Variants in DLGAP4 observed in about 807,000 individuals in gnomAD.
The protein encoded by DLGAP4 is disks large-associated protein 4.
DLGAP4 carries 18 observed loss-of-function variants against 86.9 expected under a neutral mutation model. The ratio of observed to expected loss-of-function variants is 0.21; its 90% CI spans 0.14 to 0.31. The LOEUF is 0.31. DLGAP4 is among the 10% of genes least tolerant of loss of function. DLGAP4 has a pLI of 1.00. For missense variants in DLGAP4, 1,085 were observed against 1,362.6 expected, an observed-to-expected ratio of 0.80 and a Z score of 3.21; for synonymous variants, 548 against 574.3, an observed-to-expected ratio of 0.95 and a Z score of 0.65.
rs6025316 is a variant in DLGAP4 at position 36,525,241 on chromosome 20, A to C, written c.2605-610A>C. Among the ~76,000 whole-genome samples the C allele has an allele frequency of 5.6e-4, 71 of 127,162 alleles. 4 individuals carry two copies. Among genetic ancestry groups the C allele is most frequent in the African/African-American group, 1.9e-3 (60 of 32,288 alleles). 83.4% of individuals were successfully genotyped at this position (127,162 alleles called of 152,430 possible). Reference sequence around the variant, plus strand: ...CAAAAAAAAAAAAAAAAAAAAAAAAAAAAAAAAAAAAAACAAAGAAATCCC... The same window carrying C: ...CAAAAAAAAAAAAAAAAAAAAAAAACAAAAAAAAAAAAACAAAGAAATCCC... On this transcript the variant is annotated intron_variant, in intron 11 of 12. Transcript: ENST00000339266.
intron 1 of DLGAP4, among the ~76,000 whole-genome samples, chr20:36,356,669 T>C (rs1206729195): frequency 6.7e-6 from 1 of 149,736 alleles, no homozygotes; most frequent in Non-Finnish European, 1.5e-5. Flanking sequence ...GGGCAGCCTG[T>C]TTTTGTAAAA....
intron 2 of DLGAP4, among the ~76,000 whole-genome samples, chr20:36,375,398 C>T (rs2031113106): frequency 6.6e-6 from 1 of 152,218 alleles, no homozygotes; most frequent in South Asian, 2.1e-4. Flanking sequence ...TGGGTCATCT[C>T]CAATACTTTA....
At chr20:36,310,254 T>C (rs1397936715) in intron 1 of DLGAP4, among the ~76,000 whole-genome samples, 1 of 149,970 alleles carries the variant, frequency 6.7e-6, no homozygotes, top group Non-Finnish European at 1.5e-5. Flanking sequence ...AGAAAAGAAT[T>C]GCATGGATAA....
intron 2 of DLGAP4, among the ~76,000 whole-genome samples, chr20:36,386,955 G>A (rs141398546): frequency 6.6e-6 from 1 of 151,902 alleles, no homozygotes; most frequent in African/African-American, 2.4e-5. Context: ...CATTTTTTCT[G>A]CCGAATAGTA....
chr20:36,371,446 T>G (rs920499183), intron 2 of DLGAP4, among the ~76,000 whole-genome samples: 2 of 152,178 alleles, frequency 1.3e-5, no homozygotes, highest in African/African-American at 4.8e-5. Context: ...CGTGGTGACA[T>G]CATGAAGATG....
intron 2 of DLGAP4, among the ~76,000 whole-genome samples, chr20:36,390,109 G>A (rs183109649): frequency 6.6e-6 from 1 of 152,312 alleles, no homozygotes; most frequent in Non-Finnish European, 1.5e-5. Context: ...TGGACCAAGG[G>A]GCAGTGAACT....
intron 10 of DLGAP4, among the ~76,000 whole-genome samples, chr20:36,517,839 T>A (rs1418224245): frequency 1.3e-5 from 2 of 152,236 alleles, no homozygotes. Flanking sequence ...TAATCTTTCC[T>A]TTCTATCCTT....
intron 10 of DLGAP4, among the ~76,000 whole-genome samples, chr20:36,522,147 C>T (rs1219016553): frequency 3.9e-5 from 6 of 151,988 alleles, no homozygotes; most frequent in Admixed American, 3.9e-4. Flanking sequence ...TGCTGCAGTC[C>T]ACACTCTTTC....
chr20:36,395,648 G>A (rs956260465), intron 2 of DLGAP4, among the ~76,000 whole-genome samples: 1 of 152,104 alleles, frequency 6.6e-6, no homozygotes, highest in Admixed American at 6.6e-5. Context: ...ATAGGCACAT[G>A]CCACCACACC....
intron 11 of DLGAP4, among the ~76,000 whole-genome samples, chr20:36,524,864 TGCACTCCA>T (rs1177863249): frequency 7.3e-5 from 11 of 151,546 alleles, no homozygotes; most frequent in Admixed American, 2.0e-4. Flanking sequence ...ATCGTGCCAC[TGCACTCCA>T]GCACTCCAGC....
intron 2 of DLGAP4, among the ~76,000 whole-genome samples, chr20:36,389,697 A>G (rs938082491): frequency 6.6e-6 from 1 of 152,212 alleles, no homozygotes; most frequent in African/African-American, 2.4e-5. Context: ...ACAAAACAAG[A>G]TGATTCTAGG....
chr20:36,514,328 T>C (rs751400886), intron 10 of DLGAP4, among the ~76,000 whole-genome samples: 26 of 152,078 alleles, frequency 1.7e-4, no homozygotes, highest in Non-Finnish European at 2.6e-4. Context: ...AGGAGAGTAA[T>C]TGGAGACCAC....
chr20:36,334,603 CAG>C (rs1242328631), intron 1 of DLGAP4, among the ~76,000 whole-genome samples: 1 of 152,054 alleles, frequency 6.6e-6, no homozygotes, highest in Non-Finnish European at 1.5e-5. Flanking sequence ...TGAATCGGGA[CAG>C]GGGCTGGGGA....
At position 36,528,046 on chromosome 20, in the gene DLGAP4, GGT is replaced by G. The variant is rs1241648699; in HGVS notation, c.*1021_*1022del. ...CTCTCGGGGCACCTGGCAGGAGGCGGGTGTGTGAATAGCATATATTTTTACAT... is the reference window on the plus strand; with the variant it reads ...CTCTCGGGGCACCTGGCAGGAGGCGGGTGTGAATAGCATATATTTTTACAT... On this transcript the variant is annotated 3_prime_UTR_variant, in exon 13 of 13. Transcript: ENST00000339266. 6.6e-6 allele frequency: 1 copy of G among 152,592 alleles called. No individual in the cohort carries two copies. The highest frequency in any genetic ancestry group is 1.5e-5 in the Non-Finnish European group (1 of 68,072). 9.5% of individuals were successfully genotyped at this position (152,592 alleles called of 1,614,324 possible).
chr20:36,434,168 TCCTGA>T (rs2033207404), intron 3 of DLGAP4, among the ~76,000 whole-genome samples: 1 of 151,318 alleles, frequency 6.6e-6, no homozygotes, highest in South Asian at 2.1e-4. Flanking sequence ...GGTCTCGAAT[TCCTGA>T]CCTCAGGTGA....
At chr20:36,416,627 G>A (rs529762023) in intron 2 of DLGAP4, among the ~76,000 whole-genome samples, 1 of 152,294 alleles carries the variant, frequency 6.6e-6, no homozygotes, top group Non-Finnish European at 1.5e-5. Flanking sequence ...CCCATCATGG[G>A]GAACCCAGAG....
At chr20:36,331,094 G>C (rs564297684) in intron 1 of DLGAP4, among the ~76,000 whole-genome samples, 24 of 152,292 alleles carry the variant, frequency 1.6e-4, no homozygotes, top group African/African-American at 5.1e-4. Flanking sequence ...GGGGCCTGTG[G>C]GGGGAGGCCA....
At chr20:36,311,255 G>A (rs1019496171) in intron 1 of DLGAP4, among the ~76,000 whole-genome samples, 37 of 152,086 alleles carry the variant, frequency 2.4e-4, no homozygotes, top group African/African-American at 8.7e-4. Flanking sequence ...ACCCTCAGCC[G>A]AGGCGCCCCT....
At position 36,528,378 on chromosome 20, in the gene DLGAP4, TC is replaced by T. The variant is rs2037899075; in HGVS notation, c.*1348del. The T allele has an allele frequency of 6.6e-6, 1 of 152,582 alleles. No homozygotes were observed. The allele number at this position is 152,582 out of a possible 1,614,324, so 9.5% of individuals were successfully genotyped here. ...GCCAGCTCAGTACCTGAGGGGCTGC[TC>T]TATGCTGTGTATGCGCCTCTCTGGC... On this transcript the variant is annotated 3_prime_UTR_variant, in exon 13 of 13. Coordinates refer to ENST00000339266, the MANE Select transcript of DLGAP4 (RefSeq NM_001365621.2).
Sources: allele counts gnomAD v4.1 joint callset (sites outside exome capture counted in the v4.1 genomes callset), GRCh38; gene constraint gnomAD v4.1.1; transcripts MANE v1.5; gene names NCBI Gene and HGNC (gene_info 2026-07-23, HGNC 2026-07-21).